Variants in PTPRN2 observed in about 807,000 individuals in gnomAD.
The protein encoded by PTPRN2 is protein tyrosine phosphatase receptor type N2, also known as receptor-type tyrosine-protein phosphatase N2.
A neutral mutation model predicts 118.8 loss-of-function variants in PTPRN2; 74 were observed. The ratio of observed to expected loss-of-function variants is 0.62; its 90% CI spans 0.52 to 0.76. The LOEUF (loss-of-function observed/expected upper bound fraction) is 0.76. PTPRN2 is among the 30% of genes least tolerant of loss of function. PTPRN2 has a pLI of 0.00. For synonymous variants in PTPRN2, 641 were observed against 608.0 expected (o/e 1.05, Z -0.80); for missense variants, 1,481 against 1,394.4 (o/e 1.06, Z -0.99).
At chr7:158,341,755 C>A (rs1405314703) in intron 2 of PTPRN2, among the ~76,000 whole-genome samples, 4 of 146,052 alleles carry the variant, frequency 2.7e-5, no homozygotes, top group African/African-American at 8.0e-5. Flanking sequence ...CACCGACACT[C>A]TCACCATAAG....
intron 11 of PTPRN2, among the ~76,000 whole-genome samples, chr7:158,066,861 CAGAG>C (rs1563381811): frequency 3.9e-5 from 6 of 152,110 alleles, no homozygotes; most frequent in Admixed American, 3.9e-4. Flanking sequence ...GAGGGCTCTG[CAGAG>C]AGAAACACTT....
intron 1 of PTPRN2, among the ~76,000 whole-genome samples, chr7:158,521,005 T>G (rs962250533): frequency 3.3e-5 from 5 of 152,214 alleles, no homozygotes; most frequent in Admixed American, 2.6e-4. Flanking sequence ...ACGTCCCTCT[T>G]ATCTCTCCCA....
At chr7:158,412,100 T>G (rs1377517977) in intron 2 of PTPRN2, among the ~76,000 whole-genome samples, 1 of 100,276 alleles carries the variant, frequency 1.0e-5, no homozygotes, top group South Asian at 3.6e-4. Flanking sequence ...AGGGCCCATC[T>G]CAGCACCCTC....
intron 11 of PTPRN2, among the ~76,000 whole-genome samples, chr7:157,935,207 G>T (rs1799623403): frequency 6.6e-6 from 1 of 152,280 alleles, no homozygotes; most frequent in African/African-American, 2.4e-5. Flanking sequence ...AGGGTTGCTG[G>T]TTTTGAATAT....
chr7:158,307,402 G>GA (rs952501880), intron 3 of PTPRN2, among the ~76,000 whole-genome samples: 4 of 149,928 alleles, frequency 2.7e-5, no homozygotes, highest in Admixed American at 6.6e-5. Context: ...CTGAGGAACA[G>GA]AAAAAAAAAG....
intron 6 of PTPRN2, among the ~76,000 whole-genome samples, chr7:158,160,533 A>T (rs1822267190): frequency 6.6e-6 from 1 of 152,192 alleles, no homozygotes; most frequent in Admixed American, 6.5e-5. Flanking sequence ...CAATAAATGA[A>T]GAATGTCCTT....
At chr7:157,899,250 G>A (rs1401363164) in intron 11 of PTPRN2, among the ~76,000 whole-genome samples, 7 of 152,166 alleles carry the variant, frequency 4.6e-5, no homozygotes, top group South Asian at 2.1e-4. Context: ...TAATAATTTC[G>A]CTCCAATAAA....
chr7:157,646,637 G>T (rs953456525), intron 14 of PTPRN2, among the ~76,000 whole-genome samples: 1 of 152,150 alleles, frequency 6.6e-6, no homozygotes, highest in Non-Finnish European at 1.5e-5. Flanking sequence ...AGGGGAGGCT[G>T]GGTCCCACTG....
intron 10 of PTPRN2, among the ~76,000 whole-genome samples, chr7:158,099,002 TCCCCC>T (rs1814931728): frequency 6.6e-5 from 1 of 15,194 alleles, no homozygotes; most frequent in Non-Finnish European, 1.7e-4. Context: ...CTCCCCTTCC[TCCCCC>T]AACACATCCC....
chr7:157,580,925 C>T (rs568840701), intron 17 of PTPRN2, among the ~76,000 whole-genome samples: 8 of 133,888 alleles, frequency 6.0e-5, no homozygotes, highest in South Asian at 5.4e-4. Flanking sequence ...CCTGCACACC[C>T]GAGCCCCTGC....
In PTPRN2 at chr7:158,090,146, T is replaced by C. The variant is rs11976323; in HGVS notation, c.1644-8769A>G. The stretch of plus-strand genomic sequence containing the variant: ...GAGGGAGTCTTCACACACATCCTTC[T>C]TCCACTGATGAAAGAGGGAGTCTTC... On this transcript the variant is annotated intron_variant, in intron 10 of 22. Coordinates refer to ENST00000389418, the MANE Select transcript of PTPRN2 (RefSeq NM_002847.5). 9.9e-3 allele frequency among the ~76,000 whole-genome samples: 73 copies of C among 7,368 alleles called. 10 individuals carry two copies. Among genetic ancestry groups the C allele is most frequent in the African/African-American group, 0.013 (62 of 4,744 alleles). 4.8% of individuals were successfully genotyped at this position (7,368 alleles called of 152,430 possible).
rs536579304 is a variant in PTPRN2, at chr7:158,025,431, G to A, written c.1723+55867C>T. 3.9e-5 allele frequency among the ~76,000 whole-genome samples: 6 copies of A among 152,284 alleles called. No homozygotes were observed. The South Asian group carries it at 1.0e-3, about 26-fold the overall frequency. On this transcript the variant is annotated intron_variant, in intron 11 of 22. Coordinates refer to ENST00000389418, the MANE Select transcript of PTPRN2 (RefSeq NM_002847.5). ...CTCTCCTGGCACCCCCAGCACGGCC[G>A]CCTTCCCCAGAAAACAATGTCAGAT...
At chr7:158,573,929 C>T (rs1828187779) in intron 1 of PTPRN2, among the ~76,000 whole-genome samples, 1 of 152,146 alleles carries the variant, frequency 6.6e-6, no homozygotes, top group Non-Finnish European at 1.5e-5. Context: ...TTAGGTGACC[C>T]ATTTTAACTA....
rs141003778 is a variant in PTPRN2 at position 157,548,894 on chromosome 7, G to A, written c.2976+52C>T. The stretch of plus-strand genomic sequence containing the variant: ...CCGTGCTCCTCTCAGGAACACGGCC[G>A]CAGAGAGGCACCTTGAATGGGTCTG... On this transcript the variant is annotated intron_variant, in intron 22 of 22. Coordinates refer to ENST00000389418, the MANE Select transcript of PTPRN2 (RefSeq NM_002847.5). 324 of 1,544,524 alleles carry A rather than the reference G, an allele frequency of 2.1e-4. 2 individuals are homozygous for A. Among genetic ancestry groups the A allele is most frequent in the African/African-American group, 7.8e-4 (57 of 73,496 alleles).
intron 11 of PTPRN2, among the ~76,000 whole-genome samples, chr7:157,901,838 T>C (rs1231180087): frequency 3.5e-5 from 4 of 114,260 alleles, no homozygotes; most frequent in Non-Finnish European, 5.1e-5. Flanking sequence ...TTTCCTTGGT[T>C]CTGAAGTGGG....
chr7:157,610,764 C>G lies in PTPRN2; in HGVS notation c.2345-6689G>C, dbSNP rs976194773. Among the ~76,000 whole-genome samples the G allele has an allele frequency of 5.3e-5, 8 of 152,242 alleles. No homozygotes were observed. Among genetic ancestry groups the G allele is most frequent in the Admixed American group, 4.6e-4 (7 of 15,284 alleles). On this transcript the variant is annotated intron_variant, in intron 15 of 22. Coordinates refer to ENST00000389418, the MANE Select transcript of PTPRN2 (RefSeq NM_002847.5). This position sits in a 1 kb window ranked among gnomAD's most constrained non-coding sequence, Gnocchi z 5.1. ...TTGAAGACCAGCAACAGCGTGATGA[C>G]AGAACGCATTCTGAAGGGGCAGGTC...
At chr7:158,098,469 C>T (rs1479501469) in intron 10 of PTPRN2, among the ~76,000 whole-genome samples, 2 of 152,200 alleles carry the variant, frequency 1.3e-5, no homozygotes, top group East Asian at 3.9e-4. Flanking sequence ...CTGGCAAAGC[C>T]CAGCCCTGCT....
intron 21 of PTPRN2, among the ~76,000 whole-genome samples, chr7:157,565,146 G>T (rs755506345): frequency 1.7e-4 from 26 of 152,210 alleles, no homozygotes; most frequent in Non-Finnish European, 3.4e-4. Context: ...ATCCATCCCC[G>T]TAGGCAAGGA....
In PTPRN2 at chr7:157,747,255, G is replaced by C. The variant is rs374560736; in HGVS notation, c.1789-64318C>G. ...AGGTGATTCTGAGGCCTGCGTCTCT[G>C]AGCTGTGGGGTGTCCGGGTGATTCT... is the stretch of plus-strand genomic sequence containing the variant. On this transcript the variant is annotated intron_variant, in intron 12 of 22. Coordinates refer to ENST00000389418, the MANE Select transcript of PTPRN2 (RefSeq NM_002847.5). Among the ~76,000 whole-genome samples, 29 of 135,604 alleles carry C rather than the reference G, an allele frequency of 2.1e-4. No individual in the cohort carries two copies. The East Asian group carries it at 3.3e-3, about 15-fold the overall frequency. The allele number at this position is 135,604 out of a possible 152,430, so 89.0% of individuals were successfully genotyped here.
Sources: allele counts gnomAD v4.1 joint callset (sites outside exome capture counted in the v4.1 genomes callset), GRCh38; gene constraint gnomAD v4.1.1; non-coding constraint Gnocchi (gnomAD v3.1); transcripts MANE v1.5; gene names NCBI Gene and HGNC (gene_info 2026-07-23, HGNC 2026-07-21).